MGAT4C: variants seen among roughly 807,000 people sequenced by gnomAD.
The protein encoded by MGAT4C is MGAT4 family member C.
Under a neutral mutation model 40.1 loss-of-function variants are expected in MGAT4C, and 19 were observed. That is an observed-to-expected ratio of 0.47 (90% confidence interval 0.33 to 0.70). The LOEUF (loss-of-function observed/expected upper bound fraction) is 0.70, where lower values mean the gene tolerates loss of function less well. Among genes scored for constraint, MGAT4C ranks in the 30% least tolerant of loss-of-function variants. The probability of loss-of-function intolerance (pLI) is 0.02; values close to 1 mark genes in which losing one functional copy is unlikely to be tolerated. For missense variants in MGAT4C, 491 were observed against 563.2 expected, an observed-to-expected ratio of 0.87 and a Z score of 1.30; for synonymous variants, 181 against 187.1, an observed-to-expected ratio of 0.97 and a Z score of 0.27.
intron 1 of MGAT4C, among the ~76,000 whole-genome samples, chr12:86,121,771 T>C (rs1879412076): frequency 6.6e-6 from 1 of 152,184 alleles, no homozygotes; most frequent in African/African-American, 2.4e-5. Flanking sequence ...AAGGAACAAC[T>C]GGTACTAGCC....
At chr12:86,519,524 T>C (rs1958755499) in intron 2 of MGAT4C, among the ~76,000 whole-genome samples, 1 of 152,182 alleles carries the variant, frequency 6.6e-6, no homozygotes, top group Admixed American at 6.5e-5. Flanking sequence ...CTACCAACCG[T>C]GTATGAGGGT....
At chr12:86,453,307 T>C (rs1270208382) in intron 2 of MGAT4C, among the ~76,000 whole-genome samples, 1 of 152,100 alleles carries the variant, frequency 6.6e-6, no homozygotes, top group Non-Finnish European at 1.5e-5. Flanking sequence ...ATAAAATATA[T>C]GAAATCATAA....
At chr12:86,523,064 C>A (rs150079629) in intron 2 of MGAT4C, among the ~76,000 whole-genome samples, 1 of 151,828 alleles carries the variant, frequency 6.6e-6, no homozygotes, top group African/African-American at 2.4e-5. Flanking sequence ...ATTAGTTGAT[C>A]TTTTGAATGG....
intron 1 of MGAT4C, among the ~76,000 whole-genome samples, chr12:86,792,853 C>T (rs908087216): frequency 7.6e-4 from 116 of 152,280 alleles, no homozygotes; most frequent in African/African-American, 2.7e-3. Flanking sequence ...ATCGCTTGAA[C>T]CTGGAGGGCA....
intron 1 of MGAT4C, among the ~76,000 whole-genome samples, chr12:86,119,450 G>T (rs1195040539): frequency 6.6e-6 from 1 of 151,742 alleles, no homozygotes; most frequent in Admixed American, 6.6e-5. Context: ...TCTTGAAACA[G>T]AGTCTTGCTC....
At chr12:86,475,254 T>C (rs1205526137) in intron 2 of MGAT4C, among the ~76,000 whole-genome samples, 2 of 151,978 alleles carry the variant, frequency 1.3e-5, no homozygotes, top group African/African-American at 4.8e-5. Flanking sequence ...TAAAATATAG[T>C]AAAAAGTTTT....
At chr12:86,771,921 AT>A (rs1951647358) in intron 1 of MGAT4C, among the ~76,000 whole-genome samples, 1 of 152,122 alleles carries the variant, frequency 6.6e-6, no homozygotes, top group Non-Finnish European at 1.5e-5. Flanking sequence ...TAAGATTTGT[AT>A]TTTTTATAAA....
intron 1 of MGAT4C, among the ~76,000 whole-genome samples, chr12:86,130,209 G>A (rs902062818): frequency 5.9e-5 from 9 of 152,046 alleles, no homozygotes; most frequent in Admixed American, 5.9e-4. Flanking sequence ...TTTAAATTTA[G>A]TCTTATAAAA....
At chr12:86,106,493 C>T (rs1015553982) in intron 1 of MGAT4C, among the ~76,000 whole-genome samples, 15 of 152,062 alleles carry the variant, frequency 9.9e-5, no homozygotes, top group African/African-American at 3.6e-4. Flanking sequence ...TTGGTAAAGA[C>T]AGGGTTTCCC....
chr12:86,257,029 T>C (rs773075215), upstream of MGAT4C, among the ~76,000 whole-genome samples: 2 of 152,188 alleles, frequency 1.3e-5, no homozygotes, highest in Non-Finnish European at 2.9e-5. Context: ...ATGAAAGAGA[T>C]ATTAAAAGCA....
chr12:86,395,186 T>C (rs892013881), intron 3 of MGAT4C, among the ~76,000 whole-genome samples: 4 of 152,118 alleles, frequency 2.6e-5, no homozygotes, highest in African/African-American at 9.6e-5. Context: ...CTAATTCAGG[T>C]AACAAAAATT....
chr12:86,123,034 T>C (rs915438450), intron 1 of MGAT4C, among the ~76,000 whole-genome samples: 6 of 152,182 alleles, frequency 3.9e-5, no homozygotes, highest in Admixed American at 3.9e-4. Flanking sequence ...TAGTCATGAT[T>C]AAGTCATTCA....
At chr12:86,348,602 G>T (rs1955090761) in intron 3 of MGAT4C, among the ~76,000 whole-genome samples, 1 of 152,074 alleles carries the variant, frequency 6.6e-6, no homozygotes, top group Non-Finnish European at 1.5e-5. Flanking sequence ...TAGCTTGTCT[G>T]GGGATAGAAT....
Position 86,590,945 on chromosome 12 carries a change from A to G in MGAT4C, c.-229+136264T>C, listed in dbSNP as rs188272811. Among the ~76,000 whole-genome samples, 470 of 152,136 alleles carry G rather than the reference A, an allele frequency of 3.1e-3. 9 individuals are homozygous for G. Among genetic ancestry groups the G allele is most frequent in the Non-Finnish European group, 2.6e-4 (18 of 67,930 alleles). On this transcript the variant is annotated intron_variant, in intron 2 of 7. Coordinates refer to the MGAT4C transcript ENST00000548651. ...TATTTTCAGCACTTGGAAATGCATC[A>G]GAAAGTTTATGGCCAATCAAGTAAA...
intron 2 of MGAT4C, among the ~76,000 whole-genome samples, chr12:86,654,248 A>C (rs1963778261): frequency 6.6e-6 from 1 of 151,970 alleles, no homozygotes; most frequent in Admixed American, 6.6e-5. Flanking sequence ...TGCATCAGAC[A>C]AGGAGGGTAA....
intron 1 of MGAT4C, among the ~76,000 whole-genome samples, chr12:86,167,195 T>C (rs1256392627): frequency 6.6e-6 from 1 of 152,180 alleles, no homozygotes; most frequent in African/African-American, 2.4e-5. Flanking sequence ...AAGTTTGGTG[T>C]TGAAAAACAC....
In MGAT4C at chr12:86,034,018, T is replaced by C. The variant is rs896299598; in HGVS notation, c.-7+15656A>G. Reference sequence around the variant, plus strand: ...CTGTATCTGATGAGGTGATCATGTGTTTTTGTTTTTAGTTCTGTTTATGTG... The same window carrying C: ...CTGTATCTGATGAGGTGATCATGTGCTTTTGTTTTTAGTTCTGTTTATGTG... On this transcript the variant is annotated intron_variant, in intron 2 of 4. Transcript: ENST00000611864. Among the ~76,000 whole-genome samples the C allele has an allele frequency of 6.7e-5, 10 of 149,734 alleles. 1 individual carries two copies. Among genetic ancestry groups the C allele is most frequent in the Non-Finnish European group, 1.2e-4 (8 of 66,740 alleles).
At chr12:86,346,928 C>T (rs1386905026) in intron 3 of MGAT4C, among the ~76,000 whole-genome samples, 1 of 152,222 alleles carries the variant, frequency 6.6e-6, no homozygotes, top group Non-Finnish European at 1.5e-5. Context: ...TACTCCCATA[C>T]TGGATGCTTC....
intron 2 of MGAT4C, among the ~76,000 whole-genome samples, chr12:86,658,806 G>A (rs1249187508): frequency 6.6e-6 from 1 of 151,994 alleles, no homozygotes; most frequent in East Asian, 1.9e-4. Flanking sequence ...TTTAGGTTTG[G>A]CCATGTGACT....
Sources: allele counts gnomAD v4.1 joint callset (sites outside exome capture counted in the v4.1 genomes callset), GRCh38; gene constraint gnomAD v4.1.1; transcripts MANE v1.5; gene names NCBI Gene and HGNC (gene_info 2026-07-23, HGNC 2026-07-21).